PCBP3: variants seen among roughly 807,000 people sequenced by gnomAD.
The protein encoded by PCBP3 is poly(rC) binding protein 3.
PCBP3 carries 25 observed loss-of-function variants against 52.7 expected under a neutral mutation model. The observed-to-expected ratio is 0.47, with a 90% CI of 0.35 to 0.66. The LOEUF is 0.66. PCBP3 is among the 30% of genes least tolerant of loss of function. The pLI is 0.01. For missense variants in PCBP3, 391 were observed against 490.3 expected (o/e 0.80, Z 1.91); for synonymous variants, 162 against 183.0 (o/e 0.89, Z 0.93).
At chr21:45,913,469 G>A (rs1036482933) in intron 11 of PCBP3, among the ~76,000 whole-genome samples, 3 of 152,182 alleles carry the variant, frequency 2.0e-5, no homozygotes, top group Non-Finnish European at 4.4e-5. Flanking sequence ...AGCTCCCTGT[G>A]AAGCCGTGCA....
intron 4 of PCBP3, among the ~76,000 whole-genome samples, chr21:45,768,302 A>T (rs1295815346): frequency 6.6e-6 from 1 of 152,182 alleles, no homozygotes; most frequent in Non-Finnish European, 1.5e-5. Context: ...GGACAAGATG[A>T]AGGTTTCCAG....
intron 17 of PCBP3, 137 bp downstream of exon 17, chr21:45,940,336 C>T (rs965220465): frequency 2.8e-6 from 2 of 724,812 alleles, no homozygotes; most frequent in African/African-American, 3.5e-5. Flanking sequence ...CCCCTCTGCT[C>T]CAGGCTGGAT....
intron 5 of PCBP3, among the ~76,000 whole-genome samples, chr21:45,887,668 C>A (rs1004335697): frequency 6.6e-6 from 1 of 152,218 alleles, no homozygotes; most frequent in African/African-American, 2.4e-5. Context: ...CCATTCCGGG[C>A]ACCTACTTTT....
chr21:45,842,143 A>G (rs182006973), intron 4 of PCBP3, among the ~76,000 whole-genome samples: 1 of 152,318 alleles, frequency 6.6e-6, no homozygotes, highest in Non-Finnish European at 1.5e-5. Flanking sequence ...TATTTCTGAG[A>G]TACTTGAGGA....
intron 5 of PCBP3, among the ~76,000 whole-genome samples, chr21:45,886,661 G>T (rs1020491130): frequency 6.6e-6 from 1 of 151,758 alleles, no homozygotes; most frequent in African/African-American, 2.4e-5. Context: ...ATGTGGTGAG[G>T]TGTGGAGGAG....
intron 5 of PCBP3, among the ~76,000 whole-genome samples, chr21:45,889,818 G>A (rs1421027321): frequency 6.6e-6 from 1 of 152,246 alleles, no homozygotes; most frequent in Non-Finnish European, 1.5e-5. Flanking sequence ...CAAGTACATG[G>A]AGATTTCACC....
rs531626234 is a variant in PCBP3 at position 45,691,442 on chromosome 21, ATATG to A, written c.-200+22504_-200+22507del. On this transcript the variant is annotated intron_variant, in intron 2 of 17. Transcript: ENST00000681687. Reference sequence around the variant, plus strand: ...TATATATAAAATATATATATCATATATATGTATGTATGTATGTGTGTGTGTGTGT... The same window carrying A: ...TATATATAAAATATATATATCATATATATGTATGTATGTGTGTGTGTGTGT... 2.0e-3 allele frequency among the ~76,000 whole-genome samples: 193 copies of A among 98,474 alleles called. No individual in the cohort carries two copies. The East Asian group carries it at 0.021, about 11-fold the overall frequency. The allele number at this position is 98,474 out of a possible 152,430, so 64.6% of individuals were successfully genotyped here. A position where few individuals can be genotyped will look rare whatever the true frequency, so the allele number is the denominator to read the frequency against.
At position 45,845,685 on chromosome 21, in the gene PCBP3, G is replaced by C. The variant is rs1034613642; in HGVS notation, c.-125-4276G>C. On this transcript the variant is annotated intron_variant, in intron 4 of 17. Transcript: ENST00000681687. ...CTTTGCCATGTGCATGCATGTGTGTGAGCTGCTTAAGCACCCGTTTGCACA... is the reference window on the plus strand; with the variant it reads ...CTTTGCCATGTGCATGCATGTGTGTCAGCTGCTTAAGCACCCGTTTGCACA... 3.9e-5 allele frequency among the ~76,000 whole-genome samples: 6 copies of C among 152,176 alleles called. 1 individual carries two copies. Among genetic ancestry groups the C allele is most frequent in the African/African-American group, 1.4e-4 (6 of 41,410 alleles).
chr21:45,646,172 C>A (rs1172037913), intron 1 of PCBP3, among the ~76,000 whole-genome samples: 2 of 135,518 alleles, frequency 1.5e-5, no homozygotes, highest in East Asian at 4.9e-4. Flanking sequence ...GCTCAAACTT[C>A]CTTTCCAGTG....
intron 1 of PCBP3, among the ~76,000 whole-genome samples, chr21:45,651,010 C>G (rs994450083): frequency 6.6e-6 from 1 of 152,114 alleles, no homozygotes; most frequent in Non-Finnish European, 1.5e-5. Flanking sequence ...CTTGAGTGAG[C>G]GTGGGAACAG....
chr21:45,798,283 T>G (rs2092105670), intron 4 of PCBP3, among the ~76,000 whole-genome samples: 1 of 147,164 alleles, frequency 6.8e-6, no homozygotes, highest in East Asian at 2.0e-4. Context: ...GATGCGTACA[T>G]GGATGAATGC....
chr21:45,671,730 T>C (rs2081187518), intron 2 of PCBP3, among the ~76,000 whole-genome samples: 1 of 152,306 alleles, frequency 6.6e-6, no homozygotes, highest in African/African-American at 2.4e-5. Flanking sequence ...TGAGTGTCTG[T>C]AAATCTTATC....
chr21:45,897,060 A>G (rs576916435), intron 6 of PCBP3, among the ~76,000 whole-genome samples: 1 of 152,394 alleles, frequency 6.6e-6, no homozygotes, highest in African/African-American at 2.4e-5. Flanking sequence ...CATGGCACGC[A>G]GAACCTGACA....
intron 16 of PCBP3, among the ~76,000 whole-genome samples, chr21:45,937,183 A>G (rs1347669096): frequency 1.3e-5 from 2 of 152,238 alleles, no homozygotes; most frequent in African/African-American, 2.4e-5. Context: ...CAGTTGGATC[A>G]TGCTGCCTCA....
At chr21:45,887,169 C>G (rs1268947007) in intron 5 of PCBP3, among the ~76,000 whole-genome samples, 1 of 152,240 alleles carries the variant, frequency 6.6e-6, no homozygotes, top group African/African-American at 2.4e-5. Context: ...CCACGCTGTT[C>G]CCTGTGTGCC....
chr21:45,862,844 C>T (rs2094561757), intron 5 of PCBP3, among the ~76,000 whole-genome samples: 1 of 152,176 alleles, frequency 6.6e-6, no homozygotes, highest in South Asian at 2.1e-4. Context: ...CATTACCGCC[C>T]CTGAGTCTTG....
rs192180136 is a variant in PCBP3 at position 45,889,341 on chromosome 21, C to T, written c.11-6867C>T. Among the ~76,000 whole-genome samples, 11 of 152,342 alleles carry T rather than the reference C, an allele frequency of 7.2e-5. No individual in the cohort carries two copies. The East Asian group carries it at 2.1e-3, about 29-fold the overall frequency. The stretch of plus-strand genomic sequence containing the variant: ...TCGTTAAATCACATCAAGCCTGGGG[C>T]CTGCTTAGAAGCTGTCAGGACCGTC... On this transcript the variant is annotated intron_variant, in intron 5 of 17. Coordinates refer to ENST00000681687, the MANE Select transcript of PCBP3 (RefSeq NM_001384156.1).
intron 4 of PCBP3, among the ~76,000 whole-genome samples, chr21:45,820,926 G>A (rs2093115893): frequency 1.3e-5 from 2 of 152,124 alleles, no homozygotes; most frequent in Non-Finnish European, 2.9e-5. Flanking sequence ...AGCCTCGAGA[G>A]GACAGAGCCT....
chr21:45,695,285 G>A (rs2082702279), intron 2 of PCBP3, among the ~76,000 whole-genome samples: 1 of 152,184 alleles, frequency 6.6e-6, no homozygotes, highest in Admixed American at 6.5e-5. Context: ...GTCAGCAGAG[G>A]GTGCTGGAGG....
Sources: allele counts gnomAD v4.1 joint callset (sites outside exome capture counted in the v4.1 genomes callset), GRCh38; gene constraint gnomAD v4.1.1; transcripts MANE v1.5; gene names NCBI Gene and HGNC (gene_info 2026-07-23, HGNC 2026-07-21).